CPSF3: variants seen among roughly 807,000 people sequenced by gnomAD.
CPSF3 encodes cleavage and polyadenylation specificity factor subunit 3.
A neutral mutation model predicts 84.1 loss-of-function variants in CPSF3; 57 were observed. The ratio of observed to expected loss-of-function variants is 0.68; its 90% CI spans 0.55 to 0.85. The LOEUF is 0.85. Ranked by LOEUF, CPSF3 falls within the 40% of genes least tolerant of loss-of-function variation. CPSF3 has a pLI of 0.00. For synonymous variants in CPSF3, 275 were observed against 278.1 expected, an observed-to-expected ratio of 0.99 and a Z score of 0.11; for missense variants, 522 against 838.8, an observed-to-expected ratio of 0.62 and a Z score of 4.66.
chr2:9,458,555 G>A (rs1269669504), intron 14 of CPSF3, among the ~76,000 whole-genome samples: 1 of 152,178 alleles, frequency 6.6e-6, no homozygotes, highest in Non-Finnish European at 1.5e-5. Context: ...TAGAGGCTGT[G>A]TATGATGGCT....
intron 3 of CPSF3, 112 bp from the exon 4 acceptor site, chr2:9,430,640 C>T (rs1050729525): frequency 1.1e-6 from 1 of 929,314 alleles, no homozygotes; most frequent in Non-Finnish European, 1.6e-6. Context: ...CTGAAAGTAT[C>T]AGCACATAGT....
chr2:9,436,774 A>AAAAAAAAATAATAATAAT (rs139337028), intron 7 of CPSF3, among the ~76,000 whole-genome samples: 7 of 143,002 alleles, frequency 4.9e-5, no homozygotes, highest in African/African-American at 1.8e-4. Flanking sequence ...CCATCTCAAA[A>AAAAAAAAATAATAATAAT]AATAATAATA....
At chr2:9,433,158 C>A (rs1291378538) in intron 5 of CPSF3, among the ~76,000 whole-genome samples, 1 of 152,182 alleles carries the variant, frequency 6.6e-6, no homozygotes, top group South Asian at 2.1e-4. Flanking sequence ...GAACTTCTGA[C>A]AACGTGGGTG....
chr2:9,444,063 T>C lies in CPSF3; in HGVS notation c.1242+402T>C, dbSNP rs1183159512. ...TAGGAATAATAGCTCATAAGGTTAT[T>C]GTAAGGATGAAGTGAAAGAACATAT... On this transcript the variant is annotated intron_variant, in intron 10 of 17. Coordinates refer to ENST00000238112, the MANE Select transcript of CPSF3 (RefSeq NM_016207.4). 2.0e-5 allele frequency among the ~76,000 whole-genome samples: 3 copies of C among 151,474 alleles called. No individual in the cohort carries two copies. In the East Asian group the frequency reaches 5.8e-4, roughly 29 times the overall value.
At chr2:9,448,844 C>T (rs542178865) in intron 11 of CPSF3, among the ~76,000 whole-genome samples, 7 of 152,060 alleles carry the variant, frequency 4.6e-5, no homozygotes, top group African/African-American at 7.2e-5. Context: ...CGTGAGCCAC[C>T]GTGCCCGGCC....
At chr2:9,447,173 C>T (rs1681153967) in intron 10 of CPSF3, among the ~76,000 whole-genome samples, 1 of 152,150 alleles carries the variant, frequency 6.6e-6, no homozygotes, top group Admixed American at 6.5e-5. Flanking sequence ...TAAAATGTTC[C>T]ATTTGGTTCT....
chr2:9,455,360 TC>T (rs1307047584), intron 12 of CPSF3, among the ~76,000 whole-genome samples: 1 of 152,078 alleles, frequency 6.6e-6, no homozygotes, highest in Non-Finnish European at 1.5e-5. Flanking sequence ...GGTCTTGAAC[TC>T]CTGATCTCGT....
At chr2:9,461,743 CTTTTTTTTTTTT>C (rs530424404) in intron 15 of CPSF3, among the ~76,000 whole-genome samples, 2 of 105,280 alleles carry the variant, frequency 1.9e-5, no homozygotes, top group Non-Finnish European at 3.6e-5. Context: ...GAAGGAGGAT[CTTTTTTTTTTTT>C]TTTTTTTTTT....
In CPSF3 at chr2:9,443,127, A is replaced by G. The variant is rs376763246; in HGVS notation, c.1096-388A>G. Among the ~76,000 whole-genome samples, 20 of 152,326 alleles carry G rather than the reference A, an allele frequency of 1.3e-4. No individual in the cohort carries two copies. In the South Asian group the frequency reaches 2.1e-3, roughly 16 times the overall value. On this transcript the variant is annotated intron_variant, in intron 9 of 17. Coordinates refer to ENST00000238112, the MANE Select transcript of CPSF3 (RefSeq NM_016207.4). ...GCAGTGAGCTGAGATCGCACACTGCATTTCAGCCTGGGTGACAAAGTGAGA... is the reference window on the plus strand; with the variant it reads ...GCAGTGAGCTGAGATCGCACACTGCGTTTCAGCCTGGGTGACAAAGTGAGA...
At position 9,461,361 on chromosome 2, in the gene CPSF3, A is replaced by T. The variant is rs139014289; in HGVS notation, c.1786+1743A>T. 2.0e-5 allele frequency among the ~76,000 whole-genome samples: 3 copies of T among 152,292 alleles called. No individual in the cohort carries two copies. The East Asian group carries it at 5.8e-4, about 29-fold the overall frequency. ...AGAAACATATTGACAGAAAAAATGCAATTGTCAATTTTCTCTTACAGTTGG... is the reference window on the plus strand; with the variant it reads ...AGAAACATATTGACAGAAAAAATGCTATTGTCAATTTTCTCTTACAGTTGG... On this transcript the variant is annotated intron_variant, in intron 15 of 17. Coordinates refer to ENST00000238112, the MANE Select transcript of CPSF3 (RefSeq NM_016207.4).
chr2:9,442,381 C>T (rs1220816168), intron 9 of CPSF3, among the ~76,000 whole-genome samples: 1 of 152,160 alleles, frequency 6.6e-6, no homozygotes, highest in Non-Finnish European at 1.5e-5. Context: ...ATTTTCAGCT[C>T]TTAGGGATGT....
rs1234175959 is a variant in CPSF3, at chr2:9,423,673, A to G, written c.-101A>G. On this transcript the variant is annotated 5_prime_UTR_variant, in exon 1 of 18. Coordinates refer to ENST00000238112, the MANE Select transcript of CPSF3 (RefSeq NM_016207.4). ...AGTGACGGAAGTTGTGCTCTTGGTG[A>G]ATGGGGTTCTTCCTTTTTTATTTAC... 1.0e-5 allele frequency: 15 copies of G among 1,452,506 alleles called. No homozygotes were observed. Among genetic ancestry groups the G allele is most frequent in the Non-Finnish European group, 1.3e-5 (14 of 1,068,904 alleles). 90.0% of individuals were successfully genotyped at this position (1,452,506 alleles called of 1,614,324 possible).
chr2:9,449,141 G>A (rs2124837247), intron 11 of CPSF3, among the ~76,000 whole-genome samples: 1 of 152,198 alleles, frequency 6.6e-6, no homozygotes, highest in Middle Eastern at 3.4e-3. Flanking sequence ...CACTTTGGGA[G>A]GCCAAGGTGT....
intron 7 of CPSF3, among the ~76,000 whole-genome samples, chr2:9,438,489 T>G (rs561444037): frequency 6.6e-6 from 1 of 151,108 alleles, no homozygotes; most frequent in African/African-American, 2.4e-5. Flanking sequence ...ACCAAATATT[T>G]AATATATATT....
At chr2:9,471,294 A>G (rs1457324241) in intron 16 of CPSF3, 49 bp from the exon 17 acceptor site, 10 of 1,099,398 alleles carry the variant, frequency 9.1e-6, no homozygotes, top group Non-Finnish European at 1.3e-5. Flanking sequence ...TTCCTCAAAT[A>G]TATAAAGCCG....
chr2:9,431,540 C>CTTTTT (rs1198118780), intron 4 of CPSF3, among the ~76,000 whole-genome samples: 26 of 84,152 alleles, frequency 3.1e-4, no homozygotes, highest in Non-Finnish European at 4.4e-4. Flanking sequence ...TTTTTTTTTT[C>CTTTTT]TTTTTTTTTT....
chr2:9,466,672 A>G (rs898363218), intron 15 of CPSF3, among the ~76,000 whole-genome samples: 3 of 152,230 alleles, frequency 2.0e-5, no homozygotes, highest in African/African-American at 7.2e-5. Flanking sequence ...CAATCTCTAT[A>G]TTCTCACCAA....
chr2:9,433,973 A>G lies in CPSF3; in HGVS notation c.609+13A>G. On this transcript the variant is annotated intron_variant, in intron 6 of 17. Transcript: ENST00000238112. ...TATTCTTATCATTGTAAGTATTAATATACTATATTGTAATCAATGTAATGT... is the reference window on the plus strand; with the variant it reads ...TATTCTTATCATTGTAAGTATTAATGTACTATATTGTAATCAATGTAATGT... 1 of 1,418,830 alleles carries G rather than the reference A, an allele frequency of 7.0e-7. No individual in the cohort carries two copies. Among genetic ancestry groups the G allele is most frequent in the South Asian group, 1.2e-5 (1 of 84,658 alleles). The allele number at this position is 1,418,830 out of a possible 1,614,324, so 87.9% of individuals were successfully genotyped here.
At chr2:9,466,068 T>G (rs1004374718) in intron 15 of CPSF3, among the ~76,000 whole-genome samples, 1 of 152,146 alleles carries the variant, frequency 6.6e-6, no homozygotes, top group Non-Finnish European at 1.5e-5. Context: ...AGGCCAGACA[T>G]GGTGGCTCAC....
Sources: gnomAD v4.1 joint callset for allele counts (sites outside exome capture counted in the v4.1 genomes callset) on GRCh38, gnomAD v4.1.1 for gene constraint, MANE v1.5 for transcripts, NCBI Gene and HGNC (gene_info 2026-07-23, HGNC 2026-07-21) for gene names.